The following GPR180 variants were observed in gnomAD, a reference collection of about 807,000 sequenced individuals.
GPR180 encodes G protein-coupled receptor 180, also known as integral membrane protein GPR180.
In GPR180, 53 loss-of-function variants were observed where a neutral mutation model predicts 52.6. The ratio of observed to expected loss-of-function variants is 1.01; its 90% confidence interval spans 0.81 to 1.27. GPR180 has a LOEUF of 1.27. Among genes scored for constraint, GPR180 ranks in the 50% most tolerant of loss-of-function variants. The probability of loss-of-function intolerance (pLI) is 0.00; values close to 1 mark genes in which losing one functional copy is unlikely to be tolerated. For synonymous variants in GPR180, 200 were observed against 193.1 expected (o/e 1.04, Z -0.30); for missense variants, 533 against 527.0 (o/e 1.01, Z -0.11).
rs570807308 is a variant in GPR180, at chr13:94,618,420, ATT to A, written c.506-708_506-707del. On this transcript the variant is annotated intron_variant, in intron 3 of 8. Coordinates refer to ENST00000376958, the MANE Select transcript of GPR180 (RefSeq NM_180989.6). ...CATGGAGTCGCATGATCAGCACAGGATTTTTTTTTTTTTTTTTTTTTTTGGCA... is the reference window on the plus strand; with the variant it reads ...CATGGAGTCGCATGATCAGCACAGGATTTTTTTTTTTTTTTTTTTTTGGCA... Among the ~76,000 whole-genome samples the A allele has an allele frequency of 3.2e-4, 28 of 87,138 alleles. 2 individuals carry two copies. The highest frequency in any genetic ancestry group is 1.6e-3 in the African/African-American group (25 of 15,834). The allele number at this position is 87,138 out of a possible 152,430, so 57.2% of individuals were successfully genotyped here. A position where few individuals can be genotyped will look rare whatever the true frequency, so the allele number is the denominator to read the frequency against.
chr13:94,602,482 CTTTTT>C (rs34288293), intron 1 of GPR180, among the ~76,000 whole-genome samples: 1,483 of 134,454 alleles, frequency 0.011, 26 homozygotes, highest in African/African-American at 0.037. Context: ...CTTAAATTTC[CTTTTT>C]TTTTTTTTTT....
chr13:94,619,794 T>A (rs1178109872), intron 5 of GPR180, among the ~76,000 whole-genome samples: 1 of 152,128 alleles, frequency 6.6e-6, no homozygotes, highest in Admixed American at 6.5e-5. Flanking sequence ...CACGGCTCAC[T>A]GCAGCCTCAA....
At chr13:94,615,410 G>T (rs1350187088) in intron 3 of GPR180, among the ~76,000 whole-genome samples, 1 of 152,176 alleles carries the variant, frequency 6.6e-6, no homozygotes, top group African/African-American at 2.4e-5. Flanking sequence ...GTAACCTGGT[G>T]CAGATAGTTG....
At chr13:94,621,366 G>A (rs1032298206) in intron 6 of GPR180, 131 bp downstream of exon 6, 15 of 625,408 alleles carry the variant, frequency 2.4e-5, no homozygotes, top group East Asian at 1.8e-4. Context: ...AAATTTCTGA[G>A]CTTCTACAAT....
At position 94,630,014 on chromosome 13, in the gene GPR180, G is replaced by A. The variant is rs1247163859; in HGVS notation, c.*2843G>A. The A allele has an allele frequency of 6.6e-6, 1 of 152,196 alleles. No individual in the cohort carries two copies. The highest frequency in any genetic ancestry group is 6.5e-5 in the Admixed American group (1 of 15,280). The allele number at this position is 152,196 out of a possible 1,614,324, so 9.4% of individuals were successfully genotyped here. A position where few individuals can be genotyped will look rare whatever the true frequency, so the allele number is the denominator to read the frequency against. ...AACATTTTCTTAAATAGCTTCTGTGGTATCAAATCATTGAGGTTGTTTTTT... is the reference window on the plus strand; with the variant it reads ...AACATTTTCTTAAATAGCTTCTGTGATATCAAATCATTGAGGTTGTTTTTT... On this transcript the variant is annotated 3_prime_UTR_variant, in exon 9 of 9. Coordinates refer to ENST00000376958, the MANE Select transcript of GPR180 (RefSeq NM_180989.6).
Position 94,631,456 on chromosome 13 carries a change from C to G in GPR180, c.*4285C>G, listed in dbSNP as rs761258791. 1 of 151,552 alleles carries G rather than the reference C, an allele frequency of 6.6e-6. No homozygotes were observed. Among genetic ancestry groups the G allele is most frequent in the South Asian group, 2.1e-4 (1 of 4,740 alleles). The allele number at this position is 151,552 out of a possible 1,614,324, so 9.4% of individuals were successfully genotyped here. ...ACCCTGATTAACCATACCATCCTAC[C>G]TAATGCTATTCCCCCATCCTAGTTC... On this transcript the variant is annotated 3_prime_UTR_variant, in exon 9 of 9. Coordinates refer to ENST00000376958, the MANE Select transcript of GPR180 (RefSeq NM_180989.6).
chr13:94,625,449 ATACAT>A (rs1889916680), intron 7 of GPR180, among the ~76,000 whole-genome samples: 1 of 152,218 alleles, frequency 6.6e-6, no homozygotes, highest in African/African-American at 2.4e-5. Flanking sequence ...GGAAAAGAGA[ATACAT>A]TACTAGGTTC....
At chr13:94,602,477 ATTTCCT>A (rs1405355948) in intron 1 of GPR180, among the ~76,000 whole-genome samples, 1 of 125,128 alleles carries the variant, frequency 8.0e-6, no homozygotes, top group Non-Finnish European at 1.6e-5. Context: ...AGAAACTTAA[ATTTCCT>A]TTTTTTTTTT....
intron 3 of GPR180, among the ~76,000 whole-genome samples, chr13:94,617,776 C>T (rs550027457): frequency 1.9e-4 from 29 of 152,186 alleles, no homozygotes; most frequent in African/African-American, 6.3e-4. Flanking sequence ...GCTTGGTGTT[C>T]GCTATTGGAA....
At chr13:94,619,653 A>G (rs1889827516) in intron 5 of GPR180, 136 bp downstream of exon 5, 2 of 704,998 alleles carry the variant, frequency 2.8e-6, no homozygotes, top group Non-Finnish European at 4.8e-6. Flanking sequence ...ATTACAGTTT[A>G]AGTTCCCATA....
intron 1 of GPR180, among the ~76,000 whole-genome samples, chr13:94,603,766 A>G (rs1371328884): frequency 1.3e-5 from 2 of 152,192 alleles, no homozygotes; most frequent in East Asian, 3.8e-4. Context: ...CCAGGAGAAT[A>G]GAAGATCTTA....
At chr13:94,624,597 G>A (rs1252790154) in intron 7 of GPR180, among the ~76,000 whole-genome samples, 1 of 152,142 alleles carries the variant, frequency 6.6e-6, no homozygotes, top group African/African-American at 2.4e-5. Context: ...TCGCTCTATC[G>A]CCCAGGCTGG....
At chr13:94,620,102 G>A (rs947330952) in intron 5 of GPR180, among the ~76,000 whole-genome samples, 4 of 152,062 alleles carry the variant, frequency 2.6e-5, no homozygotes, top group Non-Finnish European at 5.9e-5. Context: ...TCCTTATTTT[G>A]CAGATAAAGG....
rs1263278938 is a variant in GPR180 at position 94,623,149 on chromosome 13, A to G, written c.935A>G (p.His312Arg). 5 of 1,613,992 alleles carry G rather than the reference A, an allele frequency of 3.1e-6. No individual in the cohort carries two copies. In the South Asian group the frequency reaches 5.5e-5, roughly 18 times the overall value. Residue 312 changes from histidine to arginine, a missense_variant, in exon 7 of 9, where the codon CAT becomes CGT. Physicochemically the swap from His to Arg is conservative, Grantham distance 29. Coordinates refer to ENST00000376958, the MANE Select transcript of GPR180 (RefSeq NM_180989.6). ...LLWEQFEDIS[H>R]HSYHSHHNLA... ...TGGGAACAGTTTGAAGATATCAGTCATCATAGCTACCATTCACACCACAAC... is the reference window on the plus strand; with the variant it reads ...TGGGAACAGTTTGAAGATATCAGTCGTCATAGCTACCATTCACACCACAAC...
intron 3 of GPR180, among the ~76,000 whole-genome samples, chr13:94,613,991 G>C (rs906400914): frequency 3.2e-4 from 48 of 151,342 alleles, no homozygotes; most frequent in Non-Finnish European, 2.2e-4. Flanking sequence ...CAATTCTCCC[G>C]CCTCAGCCTC....
chr13:94,634,267 A>C lies in GPR180; in HGVS notation c.*7096A>C, dbSNP rs1384681840. 3 of 152,130 alleles carry C rather than the reference A, an allele frequency of 2.0e-5. No individual in the cohort carries two copies. Among genetic ancestry groups the C allele is most frequent in the Non-Finnish European group, 4.4e-5 (3 of 68,014 alleles). The allele number at this position is 152,130 out of a possible 1,614,324, so 9.4% of individuals were successfully genotyped here. On this transcript the variant is annotated 3_prime_UTR_variant, in exon 9 of 9. Coordinates refer to ENST00000376958, the MANE Select transcript of GPR180 (RefSeq NM_180989.6). The stretch of plus-strand genomic sequence containing the variant: ...TTAACGTGTTGAGTGTTAAACCCAC[A>C]GGTGGTAGCATGACATTGACTCCTC...
rs201369926 is a variant in GPR180 at position 94,626,092 on chromosome 13, T to C, written c.1164+49T>C. 1.1e-5 allele frequency: 14 copies of C among 1,263,688 alleles called. No homozygotes were observed. The East Asian group carries it at 3.1e-4, about 28-fold the overall frequency. 78.3% of individuals were successfully genotyped at this position (1,263,688 alleles called of 1,614,324 possible). On this transcript the variant is annotated intron_variant, in intron 8 of 8. Transcript: ENST00000376958. Reference sequence around the variant, plus strand: ...TAGTTTTCTTAATGAAAATATTGTCTTAATTGGGAGAATATTTAAATAGGA... The same window carrying C: ...TAGTTTTCTTAATGAAAATATTGTCCTAATTGGGAGAATATTTAAATAGGA...
At position 94,628,951 on chromosome 13, in the gene GPR180, C is replaced by A. The variant is rs1053250768; in HGVS notation, c.*1780C>A. ...TCTTTGTGTTACTTCACTCAAAGAA[C>A]ATAAGTAACTGCAATTAACATATAT... On this transcript the variant is annotated 3_prime_UTR_variant, in exon 9 of 9. Transcript: ENST00000376958. 2.0e-5 allele frequency: 3 copies of A among 152,088 alleles called. No homozygotes were observed. Among genetic ancestry groups the A allele is most frequent in the Non-Finnish European group, 2.9e-5 (2 of 67,950 alleles). The allele number at this position is 152,088 out of a possible 1,614,324, so 9.4% of individuals were successfully genotyped here. A position where few individuals can be genotyped will look rare whatever the true frequency, so the allele number is the denominator to read the frequency against.
intron 3 of GPR180, among the ~76,000 whole-genome samples, chr13:94,617,705 A>C (rs1406176205): frequency 6.6e-6 from 1 of 152,170 alleles, no homozygotes; most frequent in Non-Finnish European, 1.5e-5. Flanking sequence ...TTTCCACATA[A>C]TAGAAATATT....
Sources: allele counts gnomAD v4.1 joint callset (sites outside exome capture counted in the v4.1 genomes callset), GRCh38; gene constraint gnomAD v4.1.1; transcripts MANE v1.5; gene names NCBI Gene and HGNC (gene_info 2026-07-23, HGNC 2026-07-21).